Variants in WWOX observed in about 807,000 individuals in gnomAD.
WWOX encodes WW domain-containing oxidoreductase.
In WWOX, 69 loss-of-function variants were observed where a neutral mutation model predicts 46.2. The ratio of observed to expected loss-of-function variants is 1.49; its 90% CI spans 1.23 to 1.82. The LOEUF (loss-of-function observed/expected upper bound fraction) is 1.82. WWOX is among the 40% of genes most tolerant of loss of function. The pLI is 0.00. For synonymous variants in WWOX, 359 were observed against 202.6 expected, an observed-to-expected ratio of 1.77 and a Z score of -6.56; for missense variants, 919 against 542.6, an observed-to-expected ratio of 1.69 and a Z score of -6.89.
At chr16:79,182,173 T>C (rs2050925450) in intron 8 of WWOX, among the ~76,000 whole-genome samples, 1 of 150,776 alleles carries the variant, frequency 6.6e-6, no homozygotes, top group South Asian at 2.1e-4. Context: ...TTTCTGGTGG[T>C]TCGTTTTCAT....
In WWOX at chr16:78,731,652, C is replaced by G. The variant is rs556011394; in HGVS notation, c.1056+298900C>G. 1.1e-4 allele frequency among the ~76,000 whole-genome samples: 16 copies of G among 152,144 alleles called. No homozygotes were observed. The South Asian group carries it at 2.1e-3, about 20-fold the overall frequency. The stretch of plus-strand genomic sequence containing the variant: ...GCATGAAGCACTTCAGCTTTGCATT[C>G]AAGTACTCATGTGTATGATCAAGCA... On this transcript the variant is annotated intron_variant, in intron 8 of 8. Coordinates refer to ENST00000566780, the MANE Select transcript of WWOX (RefSeq NM_016373.4).
chr16:78,751,885 G>C (rs2084256896), intron 8 of WWOX, among the ~76,000 whole-genome samples: 1 of 152,132 alleles, frequency 6.6e-6, no homozygotes, highest in Non-Finnish European at 1.5e-5. Flanking sequence ...TTTAGAGTAA[G>C]ACTGGAGGCA....
chr16:79,086,866 G>A (rs994488414), intron 8 of WWOX, among the ~76,000 whole-genome samples: 2 of 152,204 alleles, frequency 1.3e-5, no homozygotes, highest in African/African-American at 4.8e-5. Context: ...CTGGGTGACA[G>A]AGTGAGACCC....
chr16:78,773,179 C>T (rs141355579), intron 8 of WWOX, among the ~76,000 whole-genome samples: 85 of 152,306 alleles, frequency 5.6e-4, no homozygotes, highest in African/African-American at 1.9e-3. Flanking sequence ...GCCGCTAGAA[C>T]AGTGCCTAAA....
At chr16:78,932,169 G>A (rs1039398242) in intron 8 of WWOX, among the ~76,000 whole-genome samples, 1 of 152,196 alleles carries the variant, frequency 6.6e-6, no homozygotes, top group African/African-American at 2.4e-5. Flanking sequence ...GTACGTCTGA[G>A]GGGCTTGACT....
At chr16:78,782,510 C>G (rs950122057) in intron 8 of WWOX, among the ~76,000 whole-genome samples, 2 of 152,166 alleles carry the variant, frequency 1.3e-5, no homozygotes, top group East Asian at 1.9e-4. Flanking sequence ...ATCATCCAAA[C>G]TACTTGGTAA....
intron 8 of WWOX, among the ~76,000 whole-genome samples, chr16:78,874,185 G>C (rs2044186196): frequency 6.6e-6 from 1 of 151,694 alleles, no homozygotes; most frequent in South Asian, 2.1e-4. Flanking sequence ...GAACCCAGGA[G>C]GTGAAGGTTG....
chr16:78,466,014 T>C (rs2151428785), intron 8 of WWOX, among the ~76,000 whole-genome samples: 1 of 147,500 alleles, frequency 6.8e-6, no homozygotes, highest in Middle Eastern at 3.5e-3. Flanking sequence ...TGAGTACAAG[T>C]TTCTTTAGTT....
chr16:78,684,859 G>C (rs1268849928), intron 8 of WWOX, among the ~76,000 whole-genome samples: 1 of 152,150 alleles, frequency 6.6e-6, no homozygotes, highest in African/African-American at 2.4e-5. Flanking sequence ...AAATACACTT[G>C]TAATTCATCA....
At chr16:78,352,725 A>C (rs9940527) in intron 5 of WWOX, among the ~76,000 whole-genome samples, 107,267 of 152,030 alleles carry the variant, frequency 0.71, 38,685 homozygotes, top group African/African-American at 0.76. Context: ...TCATGAACAT[A>C]TTGGGGTAGA....
chr16:78,400,798 A>G (rs769585504), intron 6 of WWOX, among the ~76,000 whole-genome samples: 3 of 152,190 alleles, frequency 2.0e-5, no homozygotes, highest in Admixed American at 6.5e-5. Context: ...CCCTCAATCA[A>G]CACTACAATT....
chr16:78,719,780 C>G (rs1273267823), intron 8 of WWOX, among the ~76,000 whole-genome samples: 1 of 152,036 alleles, frequency 6.6e-6, no homozygotes, highest in Non-Finnish European at 1.5e-5. Context: ...AATTTGTAAC[C>G]AGGGGTATTA....
chr16:78,318,896 A>G (rs117314945), intron 5 of WWOX, among the ~76,000 whole-genome samples: 1 of 152,314 alleles, frequency 6.6e-6, no homozygotes, highest in Non-Finnish European at 1.5e-5. Context: ...AATTCCAGGT[A>G]GGTAAAATAA....
At chr16:78,711,316 G>A (rs758555672) in intron 8 of WWOX, among the ~76,000 whole-genome samples, 2 of 152,266 alleles carry the variant, frequency 1.3e-5, no homozygotes, top group South Asian at 4.1e-4. Context: ...CTATTTCTAT[G>A]GTTTGTTTAG....
intron 5 of WWOX, among the ~76,000 whole-genome samples, chr16:78,210,351 A>G (rs1460813594): frequency 6.6e-6 from 1 of 152,198 alleles, no homozygotes; most frequent in Non-Finnish European, 1.5e-5. Context: ...AATGCCCTGC[A>G]TCATGAGACT....
intron 5 of WWOX, among the ~76,000 whole-genome samples, chr16:78,307,709 CAT>C (rs1418256394): frequency 3.3e-5 from 5 of 152,202 alleles, no homozygotes; most frequent in African/African-American, 1.2e-4. Flanking sequence ...ATCAGAAACT[CAT>C]ACAAGTATGA....
intron 5 of WWOX, among the ~76,000 whole-genome samples, chr16:78,191,259 G>A (rs1009754869): frequency 1.3e-5 from 2 of 152,058 alleles, no homozygotes; most frequent in African/African-American, 4.8e-5. Context: ...CCTCCACCTG[G>A]GCACCCAGCC....
chr16:78,537,454 C>G (rs2151521232), intron 8 of WWOX, among the ~76,000 whole-genome samples: 1 of 152,278 alleles, frequency 6.6e-6, no homozygotes, highest in Admixed American at 6.5e-5. Context: ...AATGTGATAC[C>G]TACTGCCTTT....
At chr16:78,448,658 G>T (rs2083616016) in intron 8 of WWOX, among the ~76,000 whole-genome samples, 2 of 152,158 alleles carry the variant, frequency 1.3e-5, no homozygotes, top group South Asian at 2.1e-4. Context: ...CCACTAATGA[G>T]GGGTGAGGAA....
Sources: gnomAD v4.1 joint callset for allele counts (sites outside exome capture counted in the v4.1 genomes callset) on GRCh38, gnomAD v4.1.1 for gene constraint, MANE v1.5 for transcripts, NCBI Gene and HGNC (gene_info 2026-07-23, HGNC 2026-07-21) for gene names.